PARP8: variants seen among roughly 807,000 people sequenced by gnomAD.
PARP8 encodes the protein protein mono-ADP-ribosyltransferase PARP8.
In PARP8, 51 loss-of-function variants were observed where a neutral mutation model predicts 124.1. That is an observed-to-expected ratio of 0.41 (90% confidence interval 0.33 to 0.52). PARP8 has a LOEUF of 0.52. PARP8 is among the 20% of genes least tolerant of loss of function. PARP8 has a pLI of 0.21. For missense variants in PARP8, 860 were observed against 1,018.9 expected, an observed-to-expected ratio of 0.84 and a Z score of 2.12; for synonymous variants, 391 against 361.5, an observed-to-expected ratio of 1.08 and a Z score of -0.93.
chr5:50,810,534 A>G (rs1744321237), intron 14 of PARP8, among the ~76,000 whole-genome samples: 1 of 152,026 alleles, frequency 6.6e-6, no homozygotes, highest in Non-Finnish European at 1.5e-5. Flanking sequence ...CCCACAATAT[A>G]ACTACTTGTG....
intron 7 of PARP8, among the ~76,000 whole-genome samples, chr5:50,777,207 G>T (rs910521400): frequency 1.6e-4 from 24 of 152,302 alleles, no homozygotes; most frequent in Admixed American, 2.6e-4. Context: ...GATGGCAGTA[G>T]TACCTTAGGT....
At chr5:50,805,459 C>A (rs1393794748) in intron 14 of PARP8, among the ~76,000 whole-genome samples, 1 of 152,006 alleles carries the variant, frequency 6.6e-6, no homozygotes, top group Non-Finnish European at 1.5e-5. Flanking sequence ...GCAGTTTGTT[C>A]AACACCACCC....
At chr5:50,681,093 C>A (rs1389065209) in intron 2 of PARP8, among the ~76,000 whole-genome samples, 2 of 152,016 alleles carry the variant, frequency 1.3e-5, no homozygotes, top group African/African-American at 4.8e-5. Flanking sequence ...TTATTTCCAA[C>A]TAAAAATAGT....
intron 2 of PARP8, among the ~76,000 whole-genome samples, chr5:50,743,466 G>A (rs1038977524): frequency 2.0e-5 from 3 of 152,014 alleles, no homozygotes; most frequent in Admixed American, 1.3e-4. Context: ...ACTAGAGTTG[G>A]GTCTGGAGGT....
intron 2 of PARP8, among the ~76,000 whole-genome samples, chr5:50,691,059 C>T (rs1456048501): frequency 6.6e-6 from 1 of 152,210 alleles, no homozygotes; most frequent in African/African-American, 2.4e-5. Flanking sequence ...TTCCTCTATT[C>T]AAATCTCACT....
intron 15 of PARP8, among the ~76,000 whole-genome samples, chr5:50,820,359 A>C (rs1745618744): frequency 6.6e-6 from 1 of 152,176 alleles, no homozygotes; most frequent in African/African-American, 2.4e-5. Flanking sequence ...CACTGTAGAT[A>C]TGTCTGTTCA....
chr5:50,843,627 G>A lies in PARP8; in HGVS notation c.*1559G>A, dbSNP rs751974922. On this transcript the variant is annotated 3_prime_UTR_variant, in exon 26 of 26. Coordinates refer to ENST00000281631, the MANE Select transcript of PARP8 (RefSeq NM_024615.4). ...TAGTATCTACTTAAAGCATTGATCT[G>A]TTTTGACTTGTGGCTCTGAACCCTG... 4 of 151,702 alleles carry A rather than the reference G, an allele frequency of 2.6e-5. No individual in the cohort carries two copies. The highest frequency in any genetic ancestry group is 4.8e-5 in the African/African-American group (2 of 41,348). The allele number at this position is 151,702 out of a possible 1,614,324, so 9.4% of individuals were successfully genotyped here. A position where few individuals can be genotyped will look rare whatever the true frequency, so the allele number is the denominator to read the frequency against.
chr5:50,772,941 G>T (rs1580287474), intron 7 of PARP8, among the ~76,000 whole-genome samples: 1 of 151,952 alleles, frequency 6.6e-6, no homozygotes, highest in Non-Finnish European at 1.5e-5. Context: ...CAGTAGATCT[G>T]CCCAGCTTGG....
At chr5:50,769,888 G>A (rs1761430091) in intron 7 of PARP8, among the ~76,000 whole-genome samples, 1 of 151,914 alleles carries the variant, frequency 6.6e-6, no homozygotes, top group Non-Finnish European at 1.5e-5. Flanking sequence ...TAATGAGCCT[G>A]TATTACCTTT....
chr5:50,668,793 T>C (rs1252680509), intron 2 of PARP8: 1 of 152,298 alleles, frequency 6.6e-6, no homozygotes, highest in Non-Finnish European at 1.5e-5. Context: ...ATTCAAATAC[T>C]ATGCCTTGCT....
intron 14 of PARP8, among the ~76,000 whole-genome samples, chr5:50,813,603 G>T (rs941916420): frequency 1.3e-5 from 2 of 151,964 alleles, no homozygotes; most frequent in African/African-American, 4.8e-5. Flanking sequence ...CTGCCTGATT[G>T]CCCTGGCCAG....
intron 2 of PARP8, among the ~76,000 whole-genome samples, chr5:50,713,569 A>AT (rs906421679): frequency 2.6e-5 from 4 of 151,888 alleles, no homozygotes; most frequent in African/African-American, 9.7e-5. Flanking sequence ...ATCTCATTTA[A>AT]TTTTTTCATT....
At chr5:50,839,472 T>C (rs1270843370) in intron 25 of PARP8, among the ~76,000 whole-genome samples, 1 of 151,972 alleles carries the variant, frequency 6.6e-6, no homozygotes, top group Non-Finnish European at 1.5e-5. Context: ...ATCTAAGCCT[T>C]GCCAGTTGCC....
chr5:50,779,230 C>A (rs1360822983), intron 9 of PARP8, among the ~76,000 whole-genome samples: 1 of 151,898 alleles, frequency 6.6e-6, no homozygotes, highest in Non-Finnish European at 1.5e-5. Flanking sequence ...CACGCATGCA[C>A]ACACACACAA....
chr5:50,700,885 G>A lies in PARP8; in HGVS notation c.146+32760G>A, dbSNP rs141679819. Among the ~76,000 whole-genome samples, 316 of 152,022 alleles carry A rather than the reference G, an allele frequency of 2.1e-3. 1 individual carries two copies. Among genetic ancestry groups the A allele is most frequent in the African/African-American group, 7.1e-3 (296 of 41,490 alleles). On this transcript the variant is annotated intron_variant, in intron 2 of 25. Transcript: ENST00000281631. The stretch of plus-strand genomic sequence containing the variant: ...ATCATTATGCTCGGTAATCCTCACC[G>A]TCATACTTGAAGTAGTTAATAGATA...
At chr5:50,833,297 C>A in intron 23 of PARP8, 1 of 334,190 alleles carries the variant, frequency 3.0e-6, no homozygotes, top group Admixed American at 3.8e-5. Context: ...AAAGGATACT[C>A]TGAGAAGGTG....
chr5:50,690,700 T>C (rs1176891131), intron 2 of PARP8, among the ~76,000 whole-genome samples: 2 of 152,216 alleles, frequency 1.3e-5, no homozygotes, highest in Non-Finnish European at 2.9e-5. Flanking sequence ...ATGCCCAGAC[T>C]GATAGCATTT....
At chr5:50,733,022 C>G (rs1004622935) in intron 2 of PARP8, among the ~76,000 whole-genome samples, 2 of 151,644 alleles carry the variant, frequency 1.3e-5, no homozygotes, top group African/African-American at 4.8e-5. Flanking sequence ...GGGTGAAAGG[C>G]CGGGCGCGGT....
At chr5:50,691,456 T>A (rs1669590421) in intron 2 of PARP8, among the ~76,000 whole-genome samples, 1 of 152,176 alleles carries the variant, frequency 6.6e-6, no homozygotes, top group Admixed American at 6.5e-5. Context: ...GAAATCCTGG[T>A]TTTTGCCTCA....
Sources: allele counts gnomAD v4.1 joint callset (sites outside exome capture counted in the v4.1 genomes callset), GRCh38; gene constraint gnomAD v4.1.1; transcripts MANE v1.5; gene names NCBI Gene and HGNC (gene_info 2026-07-23, HGNC 2026-07-21).